Variants in PDE6B observed in about 807,000 individuals in gnomAD.
PDE6B encodes phosphodiesterase 6B, also known as rod cGMP-specific 3',5'-cyclic phosphodiesterase subunit beta.
Under a neutral mutation model 109.0 loss-of-function variants are expected in PDE6B, and 106 were observed. That is an observed-to-expected ratio of 0.97 (90% CI 0.83 to 1.14). PDE6B has a LOEUF of 1.14. PDE6B is among the 50% of genes most tolerant of loss of function. PDE6B has a pLI of 0.00. For synonymous variants in PDE6B, 490 were observed against 471.3 expected (o/e 1.04, Z -0.51); for missense variants, 1,193 against 1,155.6 (o/e 1.03, Z -0.47).
intron 3 of PDE6B, among the ~76,000 whole-genome samples, chr4:639,314 AT>A (rs966170777): frequency 4.3e-4 from 64 of 147,728 alleles, no homozygotes; most frequent in East Asian, 1.6e-3. Context: ...CTGGGTAATT[AT>A]TTTTTTTTTA....
rs1365194215 is a variant in PDE6B at position 633,558 on chromosome 4, T to A, written c.469-1119T>A. Among the ~76,000 whole-genome samples the A allele has an allele frequency of 1.3e-5, 2 of 152,156 alleles. No homozygotes were observed. Among genetic ancestry groups the A allele is most frequent in the Non-Finnish European group, 2.9e-5 (2 of 68,014 alleles). On this transcript the variant is annotated intron_variant, in intron 1 of 21. Coordinates refer to ENST00000496514, the MANE Select transcript of PDE6B (RefSeq NM_000283.4). This position sits in a 1 kb window ranked among gnomAD's most constrained non-coding sequence, Gnocchi z 4.5. ...TCTGCTGCTGCAGGGCCACCGTCCC[T>A]AGAAACAGCAGGAGATGTGAGGCGC...
At chr4:654,930 C>G in intron 6 of PDE6B, 42 bp downstream of exon 6, 1 of 1,135,216 alleles carries the variant, frequency 8.8e-7, no homozygotes, top group Non-Finnish European at 1.3e-6. Context: ...GGGGGAGGGA[C>G]CGCCCCTCAG....
chr4:637,993 G>C (rs1345274464), intron 3 of PDE6B, among the ~76,000 whole-genome samples: 1 of 152,164 alleles, frequency 6.6e-6, no homozygotes, highest in Non-Finnish European at 1.5e-5. Flanking sequence ...TTATCAAGTA[G>C]AATACGGGGT....
intron 3 of PDE6B, among the ~76,000 whole-genome samples, chr4:644,913 C>T (rs529507264): frequency 6.6e-6 from 1 of 152,188 alleles, no homozygotes; most frequent in African/African-American, 2.4e-5. Context: ...ACTAAGTCTC[C>T]AACAGTAGTG....
chr4:668,033 A>G, intron 21 of PDE6B, 27 bp downstream of exon 21: 1 of 1,604,082 alleles, frequency 6.2e-7, no homozygotes, highest in Non-Finnish European at 8.5e-7. Flanking sequence ...CCTGTGGGGC[A>G]GGGACTCGGT....
At chr4:664,790 A>G (rs1737592532) in intron 17 of PDE6B, 91 bp from the exon 18 acceptor site, 11 of 992,848 alleles carry the variant, frequency 1.1e-5, no homozygotes, top group Admixed American at 5.1e-5. Context: ...TGGGCAACAG[A>G]GCAAGACTCC....
At position 664,133 on chromosome 4, in the gene PDE6B, A is replaced by T; in HGVS notation, c.2041A>T (p.Lys681Ter). ...GTTCAGGAAGAGAGCGATGTTTCAG[A>T]AGATCGTGGATGAGTCCAAGAACTA... ...LYFKKRAMFQ[K>*]IVDESKNYQD... is the part of the protein sequence containing the mutation. The change falls in exon 17 of 22, where the codon AAG (lysine) becomes TAG (stop). Residue 681 changes from lysine (K) to a stop codon, truncating the protein, a stop_gained. Coordinates refer to ENST00000496514, the MANE Select transcript of PDE6B (RefSeq NM_000283.4). LOFTEE classifies it high-confidence loss of function. 6.2e-7 allele frequency: 1 copy of T among 1,609,972 alleles called. No homozygotes were observed. The highest frequency in any genetic ancestry group is 8.5e-7 in the Non-Finnish European group (1 of 1,176,482).
At chr4:657,645 A>G in intron 10 of PDE6B, 151 bp downstream of exon 10, 1 of 599,840 alleles carries the variant, frequency 1.7e-6, no homozygotes, top group Non-Finnish European at 2.8e-6. Context: ...CGGTGGGGGC[A>G]GGTCGTCCAG....
In PDE6B at chr4:665,758, C is replaced by T. The variant is rs1428235578; in HGVS notation, c.2268+429C>T. ...CAGGTCAGCAGCGGGGTCTGGATAC[C>T]TCCTGGCAGCAGGAGAGGTGCCAGC... On this transcript the variant is annotated intron_variant, in intron 19 of 21. Coordinates refer to ENST00000496514, the MANE Select transcript of PDE6B (RefSeq NM_000283.4). The surrounding 1 kb of genome is among the most constrained non-coding windows in gnomAD (Gnocchi z 4.0). Among the ~76,000 whole-genome samples, 1 of 152,172 alleles carries T rather than the reference C, an allele frequency of 6.6e-6. No homozygotes were observed. The highest frequency in any genetic ancestry group is 6.5e-5 in the Admixed American group (1 of 15,288).
Position 663,838 on chromosome 4 carries a change from C to A in PDE6B, c.1989C>A (p.Ala663=). The change falls in exon 16 of 22, where the codon GCC becomes GCA. Residue 663 remains alanine, a synonymous_variant. Transcript: ENST00000496514. This position sits in a 1 kb window ranked among gnomAD's most constrained non-coding sequence, Gnocchi z 4.0. ...HEHVIHLMDI[A]IIATDLALYF... ...ACGTGATCCACCTGATGGACATCGCCATCATCGCCACGGACCTGGCCCTGT... is the reference window on the plus strand; with the variant it reads ...ACGTGATCCACCTGATGGACATCGCAATCATCGCCACGGACCTGGCCCTGT... The A allele has an allele frequency of 6.2e-7, 1 of 1,612,334 alleles. No individual in the cohort carries two copies. The highest frequency in any genetic ancestry group is 8.5e-7 in the Non-Finnish European group (1 of 1,179,414).
intron 11 of PDE6B, among the ~76,000 whole-genome samples, chr4:659,391 G>T (rs917123688): frequency 3.3e-5 from 5 of 152,226 alleles, no homozygotes; most frequent in Non-Finnish European, 5.9e-5. Flanking sequence ...CTCTCAGAGT[G>T]CCTAGGTGCC....
chr4:666,161 T>A lies in PDE6B; in HGVS notation c.2269-370T>A, dbSNP rs567447924. Among the ~76,000 whole-genome samples, 119 of 152,114 alleles carry A rather than the reference T, an allele frequency of 7.8e-4. No homozygotes were observed. Among genetic ancestry groups the A allele is most frequent in the Non-Finnish European group, 1.4e-3 (92 of 68,008 alleles). ...CCCAGGCGAGTGCACAGCGAGGTCC[T>A]GGTCAGCCGAGTGTCTGGGCAGTGC... On this transcript the variant is annotated intron_variant, in intron 19 of 21. Coordinates refer to ENST00000496514, the MANE Select transcript of PDE6B (RefSeq NM_000283.4). This position sits in a 1 kb window ranked among gnomAD's most constrained non-coding sequence, Gnocchi z 5.6.
chr4:655,771 C>A, intron 6 of PDE6B, 169 bp from the exon 7 acceptor site: 1 of 681,308 alleles, frequency 1.5e-6, no homozygotes, highest in Admixed American at 2.0e-5. Context: ...CCCCTCTGAC[C>A]CCTGCACACA....
rs778367741 is a variant in PDE6B, at chr4:657,494, G to A, written c.1401G>A (p.Leu467=). 2.5e-6 allele frequency: 4 copies of A among 1,612,706 alleles called. No individual in the cohort carries two copies. The highest frequency in any genetic ancestry group is 4.5e-5 in the East Asian group (2 of 44,876). ...ACAGGGACGAGATCCAGCTCATCCT[G>A]GTGCGGCGGGGCAGGACGTCCAGGG... is the stretch of plus-strand genomic sequence containing the variant. ...KCDRDEIQLI[L]PTRARLGKEP... Residue 467 remains leucine, a splice_region_variant and synonymous_variant, in exon 10 of 22, where the codon CTG becomes CTA. Transcript: ENST00000496514.
chr4:631,346 A>G (rs1418571285), intron 1 of PDE6B, among the ~76,000 whole-genome samples: 1 of 152,242 alleles, frequency 6.6e-6, no homozygotes, highest in Non-Finnish European at 1.5e-5. Context: ...GAGGCTGAAC[A>G]TTGATCAACC....
chr4:666,606 G>A lies in PDE6B; in HGVS notation c.2344G>A (p.Val782Met), dbSNP rs145124626. ...CTTCATCGACTTCGTGTGCACATTCGTGTACAAGGCGAGTGGTTCACGGGT... is the reference window on the plus strand; with the variant it reads ...CTTCATCGACTTCGTGTGCACATTCATGTACAAGGCGAGTGGTTCACGGGT... ...VGFIDFVCTF[V>M]YKEFSRFHEE... is the part of the protein sequence containing the mutation. Residue 782 changes from valine to methionine, a missense_variant, in exon 20 of 22, where the codon GTG becomes ATG. By Grantham distance (21) the Val-to-Met change is conservative (BLOSUM62 1). Transcript: ENST00000496514. This position sits in a 1 kb window ranked among gnomAD's most constrained non-coding sequence, Gnocchi z 5.6. 2.0e-4 allele frequency: 315 copies of A among 1,609,152 alleles called. 1 individual carries two copies. In the South Asian group the frequency reaches 2.2e-3, roughly 11 times the overall value.
At chr4:640,896 A>G (rs753237409) in intron 3 of PDE6B, among the ~76,000 whole-genome samples, 3 of 152,154 alleles carry the variant, frequency 2.0e-5, no homozygotes, top group Non-Finnish European at 4.4e-5. Context: ...CCACTGTTGT[A>G]TGTGTTTATT....
Position 657,704 on chromosome 4 carries a change from G to T in PDE6B, c.1401+210G>T, listed in dbSNP as rs528093606. Reference sequence around the variant, plus strand: ...TGCGGTGGGGGCAGGTCGTCCAGGGGTCACCCAGGGGTCACAGCTGTGCGG... The same window carrying T: ...TGCGGTGGGGGCAGGTCGTCCAGGGTTCACCCAGGGGTCACAGCTGTGCGG... On this transcript the variant is annotated intron_variant, in intron 10 of 21. Transcript: ENST00000496514. Among the ~76,000 whole-genome samples the T allele has an allele frequency of 9.1e-4, 131 of 143,938 alleles. 1 individual carries two copies. The highest frequency in any genetic ancestry group is 1.2e-3 in the Non-Finnish European group (80 of 65,110). 94.4% of individuals were successfully genotyped at this position (143,938 alleles called of 152,430 possible). A position where few individuals can be genotyped will look rare whatever the true frequency, so the allele number is the denominator to read the frequency against.
chr4:638,896 T>C (rs770908702), intron 3 of PDE6B, among the ~76,000 whole-genome samples: 1 of 152,092 alleles, frequency 6.6e-6, no homozygotes, highest in African/African-American at 2.4e-5. Flanking sequence ...TATTGGCAGG[T>C]GCCTGAGGCT....
Sources: allele counts gnomAD v4.1 joint callset (sites outside exome capture counted in the v4.1 genomes callset), GRCh38; gene constraint gnomAD v4.1.1; non-coding constraint Gnocchi (gnomAD v3.1); transcripts MANE v1.5; gene names NCBI Gene and HGNC (gene_info 2026-07-23, HGNC 2026-07-21).